CELA3A: variants seen among roughly 807,000 people sequenced by gnomAD.
The protein encoded by CELA3A is chymotrypsin-like elastase family member 3A.
Under a neutral mutation model 38.6 loss-of-function variants are expected in CELA3A, and 35 were observed. The observed-to-expected ratio is 0.91, with a 90% confidence interval of 0.69 to 1.20. The LOEUF (loss-of-function observed/expected upper bound fraction) is 1.20, where lower values mean the gene tolerates loss of function less well. Among genes scored for constraint, CELA3A ranks in the 50% most tolerant of loss-of-function variants. CELA3A has a pLI of 0.00. For missense variants in CELA3A, 343 were observed against 354.2 expected (o/e 0.97, Z 0.25); for synonymous variants, 143 against 136.7 (o/e 1.05, Z -0.32).
intron 7 of CELA3A, among the ~76,000 whole-genome samples, chr1:22,012,218 A>G (rs1408530535): frequency 7.9e-6 from 1 of 127,136 alleles, no homozygotes; most frequent in Non-Finnish European, 1.6e-5. Flanking sequence ...TACACATCCC[A>G]TCTAAATTTG....
Position 22,009,657 on chromosome 1 carries a change from T to C in CELA3A, c.643-48T>C, listed in dbSNP as rs184489854. 129 of 1,592,718 alleles carry C rather than the reference T, an allele frequency of 8.1e-5. 9 individuals carry two copies. In the African/African-American group the frequency reaches 1.6e-3, roughly 19 times the overall value. ...TCCCTAGAATTCAGAACCAGTTCCG[T>C]AAACCTCAGACATGGCTCAGCCACC... is the stretch of plus-strand genomic sequence containing the variant. On this transcript the variant is annotated intron_variant, in intron 6 of 7. Coordinates refer to ENST00000290122, the MANE Select transcript of CELA3A (RefSeq NM_005747.5).
rs779979670 is a variant in CELA3A, at chr1:22,007,377, T to A, written c.504T>A (p.Asn168Lys). 35 of 1,609,606 alleles carry A rather than the reference T, an allele frequency of 2.2e-5. 2 individuals carry two copies. The East Asian group carries it at 7.2e-4, about 33-fold the overall frequency. Residue 168 changes from asparagine to lysine, a missense_variant, in exon 6 of 8, where the codon AAT becomes AAA. Coordinates refer to ENST00000290122, the MANE Select transcript of CELA3A (RefSeq NM_005747.5). ...YITGWGRLYT[N>K]GPLPDKLQQA... is the part of the protein sequence containing the mutation. ...CGGTGCTTTTTATCCTTGCAGCCAA[T>A]GGGCCACTCCCAGACAAGCTGCAGC...
At position 22,003,093 on chromosome 1, in the gene CELA3A, G is replaced by C. The variant is rs1644927964; in HGVS notation, c.129+5G>C. 2.5e-6 allele frequency: 4 copies of C among 1,577,968 alleles called. No individual in the cohort carries two copies. The highest frequency in any genetic ancestry group is 3.4e-6 in the Non-Finnish European group (4 of 1,167,080). On this transcript the variant is annotated splice_donor_5th_base_variant and intron_variant, in intron 2 of 7. Coordinates refer to ENST00000290122, the MANE Select transcript of CELA3A (RefSeq NM_005747.5). ...CCCTACAGCTGGCCCTGGCAGGTAA[G>C]AGCAATAGCAGCTGCCCTCATTCCC...
At chr1:22,005,945 C>T in intron 4 of CELA3A, 149 bp downstream of exon 4, 1 of 1,447,892 alleles carries the variant, frequency 6.9e-7, no homozygotes, top group Non-Finnish European at 9.4e-7. Flanking sequence ...CAGCCTGTGC[C>T]CAGGTCCCAC....
intron 7 of CELA3A, among the ~76,000 whole-genome samples, chr1:22,012,107 GTA>G (rs1210282059): frequency 2.4e-5 from 3 of 123,330 alleles, no homozygotes; most frequent in Admixed American, 9.2e-5. Context: ...ACATACATAC[GTA>G]TATATATATA....
At position 22,005,723 on chromosome 1, in the gene CELA3A, G is replaced by A. The variant is rs903786323; in HGVS notation, c.289G>A (p.Glu97Lys). The A allele has an allele frequency of 2.6e-5, 42 of 1,612,272 alleles. No homozygotes were observed. The highest frequency in any genetic ancestry group is 4.0e-5 in the African/African-American group (3 of 74,172). The change falls in exon 4 of 8, where the codon GAG becomes AAG. Residue 97 changes from glutamate to lysine, a missense_variant. Physicochemically the swap from Glu to Lys is moderately conservative, Grantham distance 56 (BLOSUM62 1). Transcript: ENST00000290122. Reference sequence around the variant, plus strand: ...CAACCTTGCTGTGAAGGAGGGCCCCGAGCAGGTGATCCCCATCAACTCTGA... The same window carrying A: ...CAACCTTGCTGTGAAGGAGGGCCCCAAGCAGGTGATCCCCATCAACTCTGA... Reference protein sequence around the residue: ...EYNLAVKEGPEQVIPINSEEL... With the variant: ...EYNLAVKEGPKQVIPINSEEL...
At position 22,007,370 on chromosome 1, in the gene CELA3A, C is replaced by T; in HGVS notation, c.500-3C>T. The stretch of plus-strand genomic sequence containing the variant: ...CCTGACTCGGTGCTTTTTATCCTTG[C>T]AGCCAATGGGCCACTCCCAGACAAG... On this transcript the variant is annotated splice_region_variant and splice_polypyrimidine_tract_variant and intron_variant, in intron 5 of 7. Coordinates refer to ENST00000290122, the MANE Select transcript of CELA3A (RefSeq NM_005747.5). The T allele has an allele frequency of 3.7e-6, 6 of 1,607,364 alleles. No individual in the cohort carries two copies. The highest frequency in any genetic ancestry group is 5.1e-6 in the Non-Finnish European group (6 of 1,176,928).
Position 22,006,870 on chromosome 1 carries a change from C to G in CELA3A, c.363-8C>G. Reference sequence around the variant, plus strand: ...GACCAGGCCCCGTGACTGTTCCCTCCTCCCCAGCAATGACATCGCCCTCAT... The same window carrying G: ...GACCAGGCCCCGTGACTGTTCCCTCGTCCCCAGCAATGACATCGCCCTCAT... On this transcript the variant is annotated splice_polypyrimidine_tract_variant and splice_region_variant and intron_variant, in intron 4 of 7. Transcript: ENST00000290122. 6.2e-7 allele frequency: 1 copy of G among 1,611,452 alleles called. No homozygotes were observed. The highest frequency in any genetic ancestry group is 8.5e-7 in the Non-Finnish European group (1 of 1,178,844).
At chr1:22,010,097 A>T (rs1001785290) in intron 7 of CELA3A, 1 of 557,246 alleles carries the variant, frequency 1.8e-6, no homozygotes, top group Non-Finnish European at 3.2e-6. Context: ...TTCAACAAGT[A>T]TTTATAAAGT....
rs192194964 is a variant in CELA3A, at chr1:22,006,778, T to C, written c.363-100T>C. 3.0e-5 allele frequency: 44 copies of C among 1,477,700 alleles called. 1 individual carries two copies. The African/African-American group carries it at 3.2e-4, about 11-fold the overall frequency. The allele number at this position is 1,477,700 out of a possible 1,614,324, so 91.5% of individuals were successfully genotyped here. A position where few individuals can be genotyped will look rare whatever the true frequency, so the allele number is the denominator to read the frequency against. ...AGAGTGGATTTGGAGGGTAAAGAAG[T>C]TGGGGCATCTCAGAGGTGGAATAGC... is the stretch of plus-strand genomic sequence containing the variant. On this transcript the variant is annotated intron_variant, in intron 4 of 7. Coordinates refer to ENST00000290122, the MANE Select transcript of CELA3A (RefSeq NM_005747.5).
intron 6 of CELA3A, among the ~76,000 whole-genome samples, chr1:22,009,148 G>A (rs1435135054): frequency 1.3e-5 from 2 of 151,194 alleles, no homozygotes; most frequent in Non-Finnish European, 2.9e-5. Context: ...GGCGGATCAC[G>A]TGGTCAGGAG....
At chr1:22,007,117 C>A in intron 5 of CELA3A, 103 bp downstream of exon 5, 5 of 1,496,410 alleles carry the variant, frequency 3.3e-6, no homozygotes, top group Non-Finnish European at 3.6e-6. Flanking sequence ...TTGTACTTTT[C>A]TCCCATTTCT....
rs376285289 is a variant in CELA3A, at chr1:22,001,713, C to G, written c.39C>G (p.Ala13=). 6 of 1,612,180 alleles carry G rather than the reference C, an allele frequency of 3.7e-6. No individual in the cohort carries two copies. Among genetic ancestry groups the G allele is most frequent in the Non-Finnish European group, 4.2e-6 (5 of 1,179,408 alleles). The stretch of plus-strand genomic sequence containing the variant: ...TGCTCAGTTCCCTCCTCCTTGTGGC[C>G]GTTGGTAAGACCCCAACCTGTCTGT... ...LRLLSSLLLV[A]VASGYGPPSS... The change falls in exon 1 of 8, where the codon GCC becomes GCG. Residue 13 remains alanine (A), a synonymous_variant. Coordinates refer to ENST00000290122, the MANE Select transcript of CELA3A (RefSeq NM_005747.5).
rs150719625 is a variant in CELA3A, at chr1:22,005,512, C to T, written c.195C>T (p.Pro65=). The T allele has an allele frequency of 3.3e-4, 530 of 1,613,054 alleles. 2 individuals are homozygous for T. The highest frequency in any genetic ancestry group is 4.2e-4 in the Non-Finnish European group (490 of 1,179,618). ...CGTGTGGCGGTAGCCTCATCGCCCC[C>T]GATTGGGTTGTGACTGCCGGCCACT... ...YHTCGGSLIA[P]DWVVTAGHCI... Residue 65 remains proline, a synonymous_variant, in exon 3 of 8, where the codon CCC becomes CCT. Coordinates refer to ENST00000290122, the MANE Select transcript of CELA3A (RefSeq NM_005747.5).
intron 7 of CELA3A, among the ~76,000 whole-genome samples, chr1:22,011,388 A>G (rs1201330761): frequency 7.3e-6 from 1 of 137,076 alleles, no homozygotes; most frequent in African/African-American, 2.8e-5. Context: ...CTCAAAAACA[A>G]AAACAAACAA....
intron 2 of CELA3A, among the ~76,000 whole-genome samples, chr1:22,004,672 C>T (rs1401095840): frequency 5.3e-5 from 8 of 151,868 alleles, no homozygotes; most frequent in Non-Finnish European, 1.2e-4. Flanking sequence ...CCACTGTCCA[C>T]AGTTTGCTAA....
intron 5 of CELA3A, 36 bp downstream of exon 5, chr1:22,007,050 G>A: frequency 1.2e-6 from 2 of 1,606,594 alleles, no homozygotes; most frequent in South Asian, 2.2e-5. Context: ...CACAGAGACA[G>A]TGGCAGAAAG....
intron 7 of CELA3A, among the ~76,000 whole-genome samples, chr1:22,010,346 G>C (rs1644976278): frequency 6.6e-6 from 1 of 151,238 alleles, no homozygotes; most frequent in Non-Finnish European, 1.5e-5. Flanking sequence ...AGCTGGGCAT[G>C]GCATAGTCAT....
In CELA3A at chr1:22,009,804, T is replaced by C. The variant is rs773518310; in HGVS notation, c.742T>C (p.Trp248Arg). The C allele has an allele frequency of 6.2e-7, 1 of 1,606,154 alleles. No homozygotes were observed. Among genetic ancestry groups the C allele is most frequent in the Non-Finnish European group, 8.5e-7 (1 of 1,175,296 alleles). ...FVSAFGCNFI[W>R]KPTVFTRVSA... ...TTCTGCCTTTGGCTGCAACTTCATC[T>C]GGAAGCCCACGGTGTTCACTCGAGT... The change falls in exon 7 of 8, where the codon TGG (tryptophan) becomes CGG (arginine). Residue 248 changes from tryptophan to arginine, a missense_variant. Transcript: ENST00000290122.
Sources: allele counts gnomAD v4.1 joint callset (sites outside exome capture counted in the v4.1 genomes callset), GRCh38; gene constraint gnomAD v4.1.1; transcripts MANE v1.5; gene names NCBI Gene and HGNC (gene_info 2026-07-23, HGNC 2026-07-21).